Variants in LRRC40 observed in about 807,000 individuals in gnomAD.
LRRC40 encodes the protein leucine rich repeat containing 40.
Under a neutral mutation model 72.8 loss-of-function variants are expected in LRRC40, and 76 were observed. The ratio of observed to expected loss-of-function variants is 1.04; its 90% CI spans 0.87 to 1.26. The LOEUF is 1.26. LRRC40 is among the 50% of genes most tolerant of loss of function. The pLI is 0.00. For missense variants in LRRC40, 684 were observed against 698.9 expected (o/e 0.98, Z 0.24); for synonymous variants, 243 against 254.2 (o/e 0.96, Z 0.42).
intron 10 of LRRC40, among the ~76,000 whole-genome samples, chr1:70,156,808 T>C (rs1235001690): frequency 6.6e-6 from 1 of 152,074 alleles, no homozygotes; most frequent in South Asian, 2.1e-4. Flanking sequence ...AGCATAAAAT[T>C]CCATGATGCT....
chr1:70,178,404 A>G (rs1200822681), intron 6 of LRRC40, among the ~76,000 whole-genome samples: 1 of 152,214 alleles, frequency 6.6e-6, no homozygotes, highest in Non-Finnish European at 1.5e-5. Flanking sequence ...TAAAAAAGGC[A>G]AATCATGGCA....
intron 9 of LRRC40, among the ~76,000 whole-genome samples, chr1:70,165,687 T>C (rs1667865912): frequency 1.3e-5 from 2 of 151,808 alleles, no homozygotes; most frequent in Non-Finnish European, 2.9e-5. Flanking sequence ...AAAAAAAATA[T>C]GAAGCAATGA....
intron 11 of LRRC40, 27 bp downstream of exon 11, chr1:70,155,662 C>A: frequency 9.2e-7 from 1 of 1,088,462 alleles, no homozygotes; most frequent in Non-Finnish European, 1.3e-6. Flanking sequence ...GAGTCACAAC[C>A]TATAGACATG....
chr1:70,187,340 T>C lies in LRRC40; in HGVS notation c.334-2A>G. 3 of 1,392,314 alleles carry C rather than the reference T, an allele frequency of 2.2e-6. No homozygotes were observed. Among genetic ancestry groups the C allele is most frequent in the Middle Eastern group, 1.8e-4 (1 of 5,626 alleles). 86.2% of individuals were successfully genotyped at this position (1,392,314 alleles called of 1,614,324 possible). A position where few individuals can be genotyped will look rare whatever the true frequency, so the allele number is the denominator to read the frequency against. On this transcript the variant is annotated splice_acceptor_variant, in intron 2 of 14. Transcript: ENST00000370952. LOFTEE classifies it high-confidence loss of function. ...GGATGTCAACTGATTATCATGTATCTAAAAGTTTTTAAAAGACAAAGTCAA... is the reference window on the plus strand; with the variant it reads ...GGATGTCAACTGATTATCATGTATCCAAAAGTTTTTAAAAGACAAAGTCAA...
At chr1:70,172,102 G>A (rs1023578421) in intron 9 of LRRC40, among the ~76,000 whole-genome samples, 3 of 152,032 alleles carry the variant, frequency 2.0e-5, no homozygotes, top group East Asian at 1.9e-4. Flanking sequence ...CCTCATGAAC[G>A]GGAATAGTGC....
At chr1:70,190,593 G>A (rs1203939315) in intron 1 of LRRC40, among the ~76,000 whole-genome samples, 1 of 142,264 alleles carries the variant, frequency 7.0e-6, no homozygotes, top group Admixed American at 7.5e-5. Flanking sequence ...GAGGATTGCC[G>A]GAGCACAGAA....
At chr1:70,157,569 A>G (rs930250730) in intron 10 of LRRC40, among the ~76,000 whole-genome samples, 1 of 152,210 alleles carries the variant, frequency 6.6e-6, no homozygotes, top group Non-Finnish European at 1.5e-5. Flanking sequence ...GCAACAGCAT[A>G]TGTACCTAGT....
intron 4 of LRRC40, among the ~76,000 whole-genome samples, chr1:70,183,458 A>G (rs1668291183): frequency 6.6e-6 from 1 of 151,464 alleles, no homozygotes; most frequent in Non-Finnish European, 1.5e-5. Flanking sequence ...CTTACACTCA[A>G]ATTCTAATTT....
intron 9 of LRRC40, among the ~76,000 whole-genome samples, chr1:70,167,190 T>A: frequency 6.7e-6 from 1 of 149,336 alleles, no homozygotes. Context: ...CAAGAGGAGC[T>A]CTGTTAATCT....
chr1:70,190,273 A>G (rs1215662367), intron 1 of LRRC40, among the ~76,000 whole-genome samples: 2 of 152,194 alleles, frequency 1.3e-5, no homozygotes, highest in Admixed American at 1.3e-4. Context: ...GAAAAGGTAT[A>G]GTCAAAGTTT....
At position 70,176,720 on chromosome 1, in the gene LRRC40, T is replaced by C. The variant is rs191789303; in HGVS notation, c.805-738A>G. 1.7e-3 allele frequency among the ~76,000 whole-genome samples: 255 copies of C among 152,120 alleles called. 1 individual carries two copies. Among genetic ancestry groups the C allele is most frequent in the African/African-American group, 5.6e-3 (234 of 41,514 alleles). ...CTGTGAGGGTCCACTTTTATATAAA[T>C]TTTTTTCAGAAAATATATTGAAATT... On this transcript the variant is annotated intron_variant, in intron 6 of 14. Transcript: ENST00000370952.
intron 9 of LRRC40, among the ~76,000 whole-genome samples, chr1:70,168,447 A>G (rs1210368706): frequency 6.6e-6 from 1 of 152,236 alleles, no homozygotes; most frequent in African/African-American, 2.4e-5. Flanking sequence ...GAAGCTTGCC[A>G]TCTTCCATAT....
At chr1:70,149,030 A>C (rs1051536245) in intron 13 of LRRC40, among the ~76,000 whole-genome samples, 8 of 152,158 alleles carry the variant, frequency 5.3e-5, no homozygotes, top group Admixed American at 1.3e-4. Flanking sequence ...TATGAAACAT[A>C]ATCACTCCCA....
At chr1:70,163,701 G>T (rs1466824166) in intron 9 of LRRC40, among the ~76,000 whole-genome samples, 1 of 152,168 alleles carries the variant, frequency 6.6e-6, no homozygotes, top group Non-Finnish European at 1.5e-5. Flanking sequence ...CATCATTGAA[G>T]GGTCATTATT....
In LRRC40 at chr1:70,181,206, G is replaced by A; in HGVS notation, c.541C>T (p.Leu181Phe). The A allele has an allele frequency of 6.5e-7, 1 of 1,534,816 alleles. No individual in the cohort carries two copies. The highest frequency in any genetic ancestry group is 1.3e-5 in the South Asian group (1 of 76,628). ...ACAGTTGTAAGATGATTGTTTGAAA[G>A]ATCCTTTAAAAAGAGAAAGACAAAA... ...EQLSNLEDLDLSNNHLTTVPA... is the reference protein window; with the variant it reads ...EQLSNLEDLDFSNNHLTTVPA... Residue 181 changes from leucine (L) to phenylalanine (F), a missense_variant, in exon 5 of 15, where the codon CTT (leucine) becomes TTT (phenylalanine). Transcript: ENST00000370952.
chr1:70,172,326 C>A (rs1201155794), intron 9 of LRRC40, among the ~76,000 whole-genome samples: 2 of 152,162 alleles, frequency 1.3e-5, no homozygotes, highest in African/African-American at 2.4e-5. Flanking sequence ...CTAAACAACT[C>A]ACTTTCCAAT....
chr1:70,183,793 A>T (rs890785636), intron 4 of LRRC40, among the ~76,000 whole-genome samples: 1 of 152,086 alleles, frequency 6.6e-6, no homozygotes, highest in Non-Finnish European at 1.5e-5. Context: ...GGCTCAAAAA[A>T]TCCACCCACC....
At chr1:70,203,878 G>C (rs1668811181) in intron 1 of LRRC40, among the ~76,000 whole-genome samples, 1 of 152,026 alleles carries the variant, frequency 6.6e-6, no homozygotes. Context: ...GACAGAGAAA[G>C]ACTTTCTATA....
intron 9 of LRRC40, among the ~76,000 whole-genome samples, chr1:70,162,752 A>T (rs1194076507): frequency 6.6e-6 from 1 of 152,238 alleles, no homozygotes; most frequent in Non-Finnish European, 1.5e-5. Context: ...TGAGTGATAA[A>T]CTATGGCCAG....
Sources: allele counts gnomAD v4.1 joint callset (sites outside exome capture counted in the v4.1 genomes callset), GRCh38; gene constraint gnomAD v4.1.1; transcripts MANE v1.5; gene names NCBI Gene and HGNC (gene_info 2026-07-23, HGNC 2026-07-21).